CNBD1: variants seen among roughly 807,000 people sequenced by gnomAD.
The protein encoded by CNBD1 is cyclic nucleotide-binding domain-containing protein 1.
A neutral mutation model predicts 54.4 loss-of-function variants in CNBD1; 71 were observed. The ratio of observed to expected loss-of-function variants is 1.30; its 90% CI spans 1.08 to 1.59. The LOEUF (loss-of-function observed/expected upper bound fraction) is 1.59, where lower values mean the gene tolerates loss of function less well. Ranked by LOEUF, CNBD1 falls within the 40% of genes most tolerant of loss-of-function variation. CNBD1 has a pLI of 0.00. For synonymous variants in CNBD1, 182 were observed against 170.7 expected (o/e 1.07, Z -0.51); for missense variants, 659 against 518.0 (o/e 1.27, Z -2.64).
intron 9 of CNBD1, among the ~76,000 whole-genome samples, chr8:87,352,500 A>G (rs920827255): frequency 2.0e-5 from 3 of 149,148 alleles, no homozygotes; most frequent in African/African-American, 2.5e-5. Flanking sequence ...AAAAAAACTT[A>G]TATGAATTCT....
intron 8 of CNBD1, among the ~76,000 whole-genome samples, chr8:87,310,749 G>A (rs1229542745): frequency 6.6e-6 from 1 of 152,130 alleles, no homozygotes; most frequent in Non-Finnish European, 1.5e-5. Flanking sequence ...TAAGGCTACA[G>A]TAACCAAAAC....
chr8:87,056,813 T>C (rs1810425276), intron 4 of CNBD1, among the ~76,000 whole-genome samples: 1 of 152,158 alleles, frequency 6.6e-6, no homozygotes, highest in Non-Finnish European at 1.5e-5. Flanking sequence ...TTGAACAGAT[T>C]CACATCACAA....
chr8:86,989,847 G>T (rs117797855), intron 4 of CNBD1, among the ~76,000 whole-genome samples: 3 of 152,068 alleles, frequency 2.0e-5, no homozygotes, highest in Admixed American at 2.0e-4. Context: ...ATCCTTGCCA[G>T]CATTCAGCAT....
chr8:87,094,504 G>A (rs1387132029), intron 4 of CNBD1, among the ~76,000 whole-genome samples: 2 of 150,700 alleles, frequency 1.3e-5, no homozygotes, highest in African/African-American at 4.9e-5. Context: ...TATCAAAAAG[G>A]AAGAAGGACT....
intron 4 of CNBD1, among the ~76,000 whole-genome samples, chr8:86,979,430 G>GAAAAAA (rs1808421066): frequency 2.1e-5 from 1 of 48,290 alleles, no homozygotes; most frequent in Non-Finnish European, 4.3e-5. Flanking sequence ...AAAAAAAAAG[G>GAAAAAA]CAAAAACAAT....
intron 8 of CNBD1, among the ~76,000 whole-genome samples, chr8:87,289,335 C>A (rs1051457656): frequency 1.4e-4 from 22 of 152,074 alleles, no homozygotes; most frequent in African/African-American, 5.3e-4. Context: ...CCAAGGGAAC[C>A]TTATTATAAT....
intron 2 of CNBD1, among the ~76,000 whole-genome samples, chr8:86,897,124 C>T (rs761371031): frequency 1.3e-5 from 2 of 152,120 alleles, no homozygotes; most frequent in Non-Finnish European, 2.9e-5. Context: ...GACTTATGCT[C>T]CAAAGGGCCT....
chr8:87,245,968 G>T (rs1343824466), intron 6 of CNBD1, among the ~76,000 whole-genome samples: 1 of 151,900 alleles, frequency 6.6e-6, no homozygotes, highest in South Asian at 2.1e-4. Flanking sequence ...TTCATTTAAA[G>T]TACAGCAGGT....
At chr8:87,159,488 G>C (rs1312348773) in intron 4 of CNBD1, among the ~76,000 whole-genome samples, 1 of 152,084 alleles carries the variant, frequency 6.6e-6, no homozygotes, top group Non-Finnish European at 1.5e-5. Context: ...TGTCTTGGAG[G>C]GCTCTCTGTG....
chr8:87,351,708 A>C lies in CNBD1; in HGVS notation c.1066A>C (p.Ile356Leu), dbSNP rs1169160039. The C allele has an allele frequency of 1.3e-6, 2 of 1,527,650 alleles. No individual in the cohort carries two copies. Among genetic ancestry groups the C allele is most frequent in the Non-Finnish European group, 8.8e-7 (1 of 1,142,238 alleles). The allele number at this position is 1,527,650 out of a possible 1,614,324, so 94.6% of individuals were successfully genotyped here. Residue 356 changes from isoleucine (I) to leucine (L), a missense_variant, in exon 9 of 11, where the codon ATT (isoleucine) becomes CTT (leucine). By Grantham distance (5) the Ile-to-Leu change is conservative. Coordinates refer to ENST00000518476, the MANE Select transcript of CNBD1 (RefSeq NM_173538.3). ...AGTGATAGTGGAAAGTGGAAATATA[A>C]TTTCTTTTGTGGGTTATATTAACTC... The part of the protein sequence containing the change: ...GHVIVESGNI[I>L]SFVGYINSGC...
chr8:87,162,171 A>G (rs1040349623), intron 4 of CNBD1, among the ~76,000 whole-genome samples: 10 of 152,102 alleles, frequency 6.6e-5, no homozygotes, highest in South Asian at 2.1e-4. Flanking sequence ...GAAATTTAAA[A>G]TCAAGAAAAA....
At chr8:87,140,935 G>C (rs1333383693) in intron 4 of CNBD1, among the ~76,000 whole-genome samples, 1 of 151,904 alleles carries the variant, frequency 6.6e-6, no homozygotes, top group Non-Finnish European at 1.5e-5. Flanking sequence ...TGACTTTTTT[G>C]GGTCTCCTAA....
intron 8 of CNBD1, among the ~76,000 whole-genome samples, chr8:87,348,417 G>C (rs528653302): frequency 1.3e-5 from 2 of 152,094 alleles, no homozygotes; most frequent in Non-Finnish European, 2.9e-5. Context: ...CATTTTTAAA[G>C]CAAACTATAT....
chr8:86,880,060 T>G (rs1808582354), intron 1 of CNBD1, among the ~76,000 whole-genome samples: 1 of 152,096 alleles, frequency 6.6e-6, no homozygotes, highest in South Asian at 2.1e-4. Flanking sequence ...GACTGGAGGA[T>G]GTGTTGGGGA....
chr8:86,977,543 C>T (rs1482140656), intron 4 of CNBD1, among the ~76,000 whole-genome samples: 1 of 152,040 alleles, frequency 6.6e-6, no homozygotes, highest in Non-Finnish European at 1.5e-5. Flanking sequence ...AAAGAGGAGA[C>T]ATTACAACTG....
intron 2 of CNBD1, among the ~76,000 whole-genome samples, chr8:87,409,629 G>A (rs940943409): frequency 2.6e-5 from 4 of 152,090 alleles, no homozygotes; most frequent in Non-Finnish European, 5.9e-5. Context: ...TCAAATAATA[G>A]GCAGACTCTC....
At chr8:87,136,325 A>G (rs1437971894) in intron 4 of CNBD1, among the ~76,000 whole-genome samples, 2 of 151,108 alleles carry the variant, frequency 1.3e-5, no homozygotes, top group African/African-American at 2.4e-5. Context: ...AAATACTAAT[A>G]TGAAATGTGG....
At chr8:87,384,713 G>T (rs1188988816), downstream of CNBD1, among the ~76,000 whole-genome samples, 1 of 152,150 alleles carries the variant, frequency 6.6e-6, no homozygotes, top group Non-Finnish European at 1.5e-5. Context: ...ATGGCTCCAG[G>T]TATAAGATCA....
intron 8 of CNBD1, among the ~76,000 whole-genome samples, chr8:87,308,859 G>T (rs77943513): frequency 0.031 from 4,666 of 152,148 alleles, 117 homozygotes; most frequent in Non-Finnish European, 0.047. Flanking sequence ...TTATGTGCCT[G>T]TCTTATTTCA....
Sources: gnomAD v4.1 joint callset for allele counts (sites outside exome capture counted in the v4.1 genomes callset) on GRCh38, gnomAD v4.1.1 for gene constraint, MANE v1.5 for transcripts, NCBI Gene and HGNC (gene_info 2026-07-23, HGNC 2026-07-21) for gene names.